Variants in ALOX5AP observed in about 807,000 individuals in gnomAD.
ALOX5AP encodes arachidonate 5-lipoxygenase activating protein.
ALOX5AP carries 9 observed loss-of-function variants against 18.5 expected under a neutral mutation model. The observed-to-expected ratio is 0.49, with a 90% CI of 0.29 to 0.85. ALOX5AP has a LOEUF of 0.85. Among genes scored for constraint, ALOX5AP ranks in the 40% least tolerant of loss-of-function variants. The probability of loss-of-function intolerance (pLI) is 0.08; values close to 1 mark genes in which losing one functional copy is unlikely to be tolerated. For missense variants in ALOX5AP, 172 were observed against 202.5 expected (o/e 0.85, Z 0.91); for synonymous variants, 81 against 78.6 (o/e 1.03, Z -0.16).
chr13:30,728,042 A>G (rs1951652678), intron 1 of ALOX5AP, among the ~76,000 whole-genome samples: 1 of 152,100 alleles, frequency 6.6e-6, no homozygotes, highest in South Asian at 2.1e-4. Context: ...GAATAGCATC[A>G]TTGCAAATAT....
chr13:30,715,542 C>T (rs1951543407), intron 1 of ALOX5AP, among the ~76,000 whole-genome samples: 1 of 152,096 alleles, frequency 6.6e-6, no homozygotes, highest in South Asian at 2.1e-4. Context: ...GTAGTTTGAA[C>T]CTCTGAGGCC....
At chr13:30,735,434 T>TA (rs59918130), upstream of ALOX5AP, 1,718 of 856,606 alleles carry the variant, frequency 2.0e-3, 1 homozygote, top group African/African-American at 3.2e-3. Flanking sequence ...GGTGGTTAGT[T>TA]AAAAAAAAAA....
chr13:30,743,520 C>T (rs1414990763), intron 1 of ALOX5AP, among the ~76,000 whole-genome samples: 2 of 151,986 alleles, frequency 1.3e-5, no homozygotes, highest in Non-Finnish European at 2.9e-5. Context: ...CCCCAGTGCC[C>T]TCCATTCCCC....
intron 4 of ALOX5AP, among the ~76,000 whole-genome samples, chr13:30,763,472 G>A (rs9604626): frequency 0.012 from 1,799 of 152,298 alleles, 30 homozygotes; most frequent in African/African-American, 0.037. Context: ...CTCAGATGCC[G>A]AAGCACCTTT....
chr13:30,720,279 T>C (rs116316916), intron 1 of ALOX5AP, among the ~76,000 whole-genome samples: 2,912 of 152,342 alleles, frequency 0.019, 83 homozygotes, highest in African/African-American at 0.065. Flanking sequence ...TCTGGCTACC[T>C]AGAAAGATCT....
chr13:30,757,265 C>T (rs1465820598), intron 4 of ALOX5AP, among the ~76,000 whole-genome samples: 2 of 152,082 alleles, frequency 1.3e-5, no homozygotes, highest in African/African-American at 2.4e-5. Flanking sequence ...CGGGTGAAAG[C>T]GCTATATCTG....
intron 4 of ALOX5AP, among the ~76,000 whole-genome samples, chr13:30,756,764 G>A (rs1022447773): frequency 7.4e-6 from 1 of 135,978 alleles, no homozygotes; most frequent in Non-Finnish European, 1.5e-5. Context: ...AGTGAGCCGA[G>A]ATTGCGCCAC....
intron 1 of ALOX5AP, among the ~76,000 whole-genome samples, chr13:30,739,448 T>C (rs1257249949): frequency 6.6e-6 from 1 of 152,220 alleles, no homozygotes; most frequent in Non-Finnish European, 1.5e-5. Context: ...TTATTATTGT[T>C]ATTTTTGAGA....
At chr13:30,722,016 C>G (rs1951598059) in intron 1 of ALOX5AP, among the ~76,000 whole-genome samples, 1 of 152,212 alleles carries the variant, frequency 6.6e-6, no homozygotes, top group Non-Finnish European at 1.5e-5. Flanking sequence ...ATTCCAAGCT[C>G]TATTCAAGGC....
chr13:30,755,982 A>T lies in ALOX5AP; in HGVS notation c.280A>T (p.Arg94Trp). Residue 94 changes from arginine to tryptophan, a missense_variant, in exon 4 of 5, where the codon AGG (arginine) becomes TGG (tryptophan). Coordinates refer to ENST00000380490, the MANE Select transcript of ALOX5AP (RefSeq NM_001629.4). ...AFAGLMYLFVRQKYFVGYLGE... is the reference protein window; with the variant it reads ...AFAGLMYLFVWQKYFVGYLGE... ...TGCTGGACTGATGTACTTGTTTGTGAGGCAAAAGTACTTTGTCGGTTACCT... is the reference window on the plus strand; with the variant it reads ...TGCTGGACTGATGTACTTGTTTGTGTGGCAAAAGTACTTTGTCGGTTACCT... The T allele has an allele frequency of 6.2e-7, 1 of 1,614,154 alleles. No homozygotes were observed. Among genetic ancestry groups the T allele is most frequent in the Non-Finnish European group, 8.5e-7 (1 of 1,180,002 alleles).
chr13:30,732,972 G>A (rs980598108), upstream of ALOX5AP, among the ~76,000 whole-genome samples: 51 of 152,024 alleles, frequency 3.4e-4, no homozygotes, highest in African/African-American at 1.0e-3. Flanking sequence ...CGGCTAACAC[G>A]GTGAAACCCC....
intron 1 of ALOX5AP, among the ~76,000 whole-genome samples, chr13:30,722,051 G>A (rs897664162): frequency 3.9e-5 from 6 of 152,326 alleles, no homozygotes; most frequent in Admixed American, 3.9e-4. Flanking sequence ...CTGACAGATT[G>A]CATTCCTCAT....
At chr13:30,736,894 A>G (rs1951726249) in intron 1 of ALOX5AP, among the ~76,000 whole-genome samples, 1 of 152,216 alleles carries the variant, frequency 6.6e-6, no homozygotes, top group Non-Finnish European at 1.5e-5. Context: ...TGGCCCTGTA[A>G]ATTGGCAAGG....
Position 30,715,068 on chromosome 13 carries a change from A to C in ALOX5AP, c.116+1227A>C, listed in dbSNP as rs184632260. 4.6e-4 allele frequency among the ~76,000 whole-genome samples: 70 copies of C among 152,252 alleles called. No individual in the cohort carries two copies. The East Asian group carries it at 0.011, about 24-fold the overall frequency. On this transcript the variant is annotated intron_variant, in intron 1 of 5. Transcript: ENST00000617770. ...GGGTTCACTGCCTTGCTCCTTCTCCAGGTCAATATGTGACCTTGGACCGGT... is the reference window on the plus strand; with the variant it reads ...GGGTTCACTGCCTTGCTCCTTCTCCCGGTCAATATGTGACCTTGGACCGGT...
chr13:30,714,375 T>C (rs1227652986), intron 1 of ALOX5AP, among the ~76,000 whole-genome samples: 1 of 151,910 alleles, frequency 6.6e-6, no homozygotes, highest in Non-Finnish European at 1.5e-5. Context: ...GGTTTCCCAG[T>C]CTGAGGGTGA....
chr13:30,735,411 G>A, upstream of ALOX5AP: 2 of 1,238,248 alleles, frequency 1.6e-6, no homozygotes, highest in Non-Finnish European at 2.1e-6. Context: ...CTGAACCACA[G>A]CCAGGGCATT....
At chr13:30,757,952 A>G (rs1951909980) in intron 4 of ALOX5AP, among the ~76,000 whole-genome samples, 1 of 152,068 alleles carries the variant, frequency 6.6e-6, no homozygotes, top group Non-Finnish European at 1.5e-5. Context: ...TAAGAAGAAG[A>G]TCCTGCCAGC....
intron 3 of ALOX5AP, among the ~76,000 whole-genome samples, chr13:30,755,211 C>T (rs1449638373): frequency 6.6e-6 from 1 of 152,194 alleles, no homozygotes; most frequent in East Asian, 1.9e-4. Context: ...GAGGGAATCT[C>T]CTTCCCAAAA....
chr13:30,730,106 A>C (rs1951669805), intron 1 of ALOX5AP, among the ~76,000 whole-genome samples: 1 of 152,240 alleles, frequency 6.6e-6, no homozygotes, highest in Non-Finnish European at 1.5e-5. Context: ...TCAGCTTACA[A>C]CTTAAGATTC....
Sources: gnomAD v4.1 joint callset for allele counts (sites outside exome capture counted in the v4.1 genomes callset) on GRCh38, gnomAD v4.1.1 for gene constraint, MANE v1.5 for transcripts, NCBI Gene and HGNC (gene_info 2026-07-23, HGNC 2026-07-21) for gene names.